Variants in GRIP1 observed in about 807,000 individuals in gnomAD.
GRIP1 encodes the protein glutamate receptor interacting protein 1, also known as glutamate receptor-interacting protein 1.
A neutral mutation model predicts 129.9 loss-of-function variants in GRIP1; 45 were observed. That is an observed-to-expected ratio of 0.35 (90% CI 0.27 to 0.44). The LOEUF (loss-of-function observed/expected upper bound fraction) is 0.44. GRIP1 is among the 20% of genes least tolerant of loss of function. GRIP1 has a pLI of 1.00. For missense variants in GRIP1, 1,196 were observed against 1,396.8 expected (o/e 0.86, Z 2.29); for synonymous variants, 530 against 520.8 (o/e 1.02, Z -0.24).
chr12:67,045,666 A>G, intron 1 of GRIP1, among the ~76,000 whole-genome samples: 1 of 152,192 alleles, frequency 6.6e-6, no homozygotes, highest in East Asian at 1.9e-4. Context: ...TGAAGTTTCA[A>G]CTTACAGTTG....
At chr12:66,679,965 C>A (rs2034520925), upstream of GRIP1, among the ~76,000 whole-genome samples, 1 of 152,126 alleles carries the variant, frequency 6.6e-6, no homozygotes, top group Non-Finnish European at 1.5e-5. Context: ...CCTCATCTGC[C>A]AGCAGCAGCC....
intron 1 of GRIP1, among the ~76,000 whole-genome samples, chr12:66,946,655 C>A (rs2041672136): frequency 6.6e-6 from 1 of 151,500 alleles, no homozygotes; most frequent in South Asian, 2.1e-4. Flanking sequence ...TGAAAGACTG[C>A]ACTGCACACA....
chr12:66,521,881 C>T (rs7964549), intron 5 of GRIP1, among the ~76,000 whole-genome samples: 4 of 152,132 alleles, frequency 2.6e-5, no homozygotes, highest in Non-Finnish European at 4.4e-5. Flanking sequence ...GAGGGTCCTA[C>T]GCCCATGGAG....
At position 66,615,393 on chromosome 12, in the gene GRIP1, A is replaced by C. The variant is rs2064996730; in HGVS notation, c.56-18466T>G. Among the ~76,000 whole-genome samples the C allele has an allele frequency of 2.0e-5, 3 of 152,140 alleles. No homozygotes were observed. In the South Asian group the frequency reaches 6.2e-4, roughly 31 times the overall value. On this transcript the variant is annotated intron_variant, in intron 1 of 24. Coordinates refer to ENST00000359742, the MANE Select transcript of GRIP1 (RefSeq NM_001366722.1). The stretch of plus-strand genomic sequence containing the variant: ...GGAGCCACTAGCAGTTCACAAAGCA[A>C]GAGAGAGGTGGAGTCAGGCTGACCA...
In GRIP1 at chr12:66,392,342, A is replaced by G. The variant is rs371030807; in HGVS notation, c.2430T>C (p.Asp810=). 60 of 1,613,052 alleles carry G rather than the reference A, an allele frequency of 3.7e-5. No homozygotes were observed. In the African/African-American group the frequency reaches 6.7e-4, roughly 18 times the overall value. The change falls in exon 19 of 25, where the codon GAT becomes GAC. Residue 810 remains aspartate (D), a synonymous_variant. Transcript: ENST00000359742. ...CATAGCTGGTGTCTATTGCAGACCC[A>G]TCCCATGAATCCACAGCACTGTCCA... The part of the protein sequence containing the change: ...PSVDSAVDSW[D]GSAIDTSYGT...
chr12:66,429,253 C>T lies in GRIP1; in HGVS notation c.1768+3295G>A, dbSNP rs563942825. Among the ~76,000 whole-genome samples the T allele has an allele frequency of 2.5e-3, 385 of 152,168 alleles. 1 individual carries two copies. The highest frequency in any genetic ancestry group is 8.8e-3 in the African/African-American group (364 of 41,512). On this transcript the variant is annotated intron_variant, in intron 14 of 24. Transcript: ENST00000359742. Reference sequence around the variant, plus strand: ...ACTTAGAGCTTGCACAAGGTGAAGACGACAGAAAGAGGACTTGGTATAGAG... The same window carrying T: ...ACTTAGAGCTTGCACAAGGTGAAGATGACAGAAAGAGGACTTGGTATAGAG...
At chr12:66,641,382 G>C (rs1166685108) in intron 1 of GRIP1, among the ~76,000 whole-genome samples, 3 of 152,206 alleles carry the variant, frequency 2.0e-5, no homozygotes, top group Non-Finnish European at 4.4e-5. Flanking sequence ...AAATAAGTCA[G>C]ATTGGGGGAG....
chr12:66,710,274 TG>T, intron 1 of GRIP1, among the ~76,000 whole-genome samples: 1 of 152,102 alleles, frequency 6.6e-6, no homozygotes, highest in East Asian at 1.9e-4. Context: ...AAATGCACTC[TG>T]CCCTTTGGGA....
intron 1 of GRIP1, among the ~76,000 whole-genome samples, chr12:66,637,635 CA>C (rs1727182463): frequency 1.3e-5 from 2 of 151,902 alleles, no homozygotes; most frequent in East Asian, 3.9e-4. Flanking sequence ...TTAAAAATTT[CA>C]ACTTCTTATT....
chr12:66,857,650 A>T (rs1216160883), intron 1 of GRIP1, among the ~76,000 whole-genome samples: 1 of 151,890 alleles, frequency 6.6e-6, no homozygotes, highest in Non-Finnish European at 1.5e-5. Flanking sequence ...TTTTCCATCT[A>T]TGCTCTAGGC....
intron 1 of GRIP1, among the ~76,000 whole-genome samples, chr12:66,722,868 T>C (rs2036102094): frequency 1.3e-5 from 2 of 152,214 alleles, no homozygotes; most frequent in South Asian, 4.1e-4. Flanking sequence ...CTATCCCCAG[T>C]CACGTTACTT....
At chr12:66,577,845 C>T (rs1033993091) in intron 2 of GRIP1, among the ~76,000 whole-genome samples, 1 of 152,104 alleles carries the variant, frequency 6.6e-6, no homozygotes, top group African/African-American at 2.4e-5. Context: ...GTCTCTGCTA[C>T]TCGGATGCTG....
At chr12:67,023,810 A>G (rs1016959176) in intron 1 of GRIP1, among the ~76,000 whole-genome samples, 2 of 152,158 alleles carry the variant, frequency 1.3e-5, no homozygotes, top group Non-Finnish European at 2.9e-5. Context: ...ACTAGAGGGT[A>G]AGCTCAAACC....
intron 1 of GRIP1, among the ~76,000 whole-genome samples, chr12:67,068,631 T>G (rs1025759904): frequency 2.7e-5 from 4 of 150,676 alleles, no homozygotes; most frequent in Middle Eastern, 3.5e-3. Context: ...CCGCGGGAGG[T>G]GGAGGAAAGT....
chr12:66,715,893 T>C (rs1033124080), intron 1 of GRIP1, among the ~76,000 whole-genome samples: 2 of 152,012 alleles, frequency 1.3e-5, no homozygotes, highest in African/African-American at 4.8e-5. Flanking sequence ...AGTCTCTAGG[T>C]ACCCCTTTGA....
chr12:66,481,634 G>C (rs1350090041), intron 7 of GRIP1, among the ~76,000 whole-genome samples: 2 of 152,096 alleles, frequency 1.3e-5, no homozygotes, highest in Non-Finnish European at 2.9e-5. Flanking sequence ...TTCTACTATA[G>C]AGACATATGT....
At chr12:66,587,193 GT>G (rs1190582906) in intron 2 of GRIP1, among the ~76,000 whole-genome samples, 1 of 152,180 alleles carries the variant, frequency 6.6e-6, no homozygotes, top group African/African-American at 2.4e-5. Context: ...AAAAGCCAAG[GT>G]TTTTCTGCCT....
At chr12:66,997,316 T>C (rs775960285) in intron 1 of GRIP1, among the ~76,000 whole-genome samples, 1 of 151,576 alleles carries the variant, frequency 6.6e-6, no homozygotes, top group Non-Finnish European at 1.5e-5. Context: ...CCACAGCACA[T>C]GTCTGTAATT....
chr12:66,528,134 G>GTTTTTTTTTTTGTTTTT (rs1565829896), intron 5 of GRIP1, among the ~76,000 whole-genome samples: 2 of 99,242 alleles, frequency 2.0e-5, no homozygotes, highest in African/African-American at 9.5e-5. Flanking sequence ...GAATTAGTAG[G>GTTTTTTTTTTTGTTTTT]TTTTTTTTTT....
Sources: gnomAD v4.1 joint callset for allele counts (sites outside exome capture counted in the v4.1 genomes callset) on GRCh38, gnomAD v4.1.1 for gene constraint, MANE v1.5 for transcripts, NCBI Gene and HGNC (gene_info 2026-07-23, HGNC 2026-07-21) for gene names.